MMAA: variants seen among roughly 807,000 people sequenced by gnomAD.
The protein encoded by MMAA is metabolism of cobalamin associated A.
In MMAA, 41 loss-of-function variants were observed where a neutral mutation model predicts 45.0. The observed-to-expected ratio is 0.91, with a 90% confidence interval of 0.71 to 1.18. The LOEUF (loss-of-function observed/expected upper bound fraction) is 1.18, where lower values mean the gene tolerates loss of function less well. Among genes scored for constraint, MMAA ranks in the 50% most tolerant of loss-of-function variants. The pLI is 0.00. For missense variants in MMAA, 460 were observed against 495.7 expected (o/e 0.93, Z 0.68); for synonymous variants, 154 against 178.2 (o/e 0.86, Z 1.08).
At chr4:145,625,071 G>A in intron 1 of MMAA, 1 of 926,954 alleles carries the variant, frequency 1.1e-6, no homozygotes, top group Non-Finnish European at 1.8e-6. Flanking sequence ...CCATTCTCGG[G>A]CTTCCCCAGC....
chr4:145,639,442 A>G lies in MMAA; in HGVS notation c.303A>G (p.Leu101=). The change falls in exon 2 of 7, where the codon TTA becomes TTG. Residue 101 remains leucine, a synonymous_variant. Transcript: ENST00000649156. ...TAATCCAAGGGCAAAGGGCCTGTTT[A>G]GCAGAGGCCATAACTCTTGTAGAAT... ...TGLIQGQRAC[L]AEAITLVEST... 6.2e-7 allele frequency: 1 copy of G among 1,614,248 alleles called. No homozygotes were observed. Among genetic ancestry groups the G allele is most frequent in the Non-Finnish European group, 8.5e-7 (1 of 1,180,046 alleles).
At chr4:145,632,711 G>GT in intron 1 of MMAA, among the ~76,000 whole-genome samples, 1 of 150,102 alleles carries the variant, frequency 6.7e-6, no homozygotes, top group East Asian at 1.9e-4. Flanking sequence ...TTTCTCTTTT[G>GT]TCTTCCCTCA....
In MMAA at chr4:145,655,560, A is replaced by G. The variant is rs1320599908; in HGVS notation, c.*126A>G. 1 of 973,750 alleles carries G rather than the reference A, an allele frequency of 1.0e-6. No homozygotes were observed. Among genetic ancestry groups the G allele is most frequent in the East Asian group, 2.7e-5 (1 of 37,430 alleles). 60.3% of individuals were successfully genotyped at this position (973,750 alleles called of 1,614,324 possible). A position where few individuals can be genotyped will look rare whatever the true frequency, so the allele number is the denominator to read the frequency against. On this transcript the variant is annotated 3_prime_UTR_variant, in exon 7 of 7. Coordinates refer to ENST00000649156, the MANE Select transcript of MMAA (RefSeq NM_172250.3). ...CTCTTGTCTTCTTTGTTTGTGACCCATGCTTGAAAACTTGAAGGAAGTTAG... is the reference window on the plus strand; with the variant it reads ...CTCTTGTCTTCTTTGTTTGTGACCCGTGCTTGAAAACTTGAAGGAAGTTAG...
chr4:145,645,273 C>T (rs1727895265), intron 3 of MMAA, among the ~76,000 whole-genome samples: 1 of 152,176 alleles, frequency 6.6e-6, no homozygotes. Context: ...GCATACATTG[C>T]AGAGCTGTTG....
At chr4:145,640,654 C>T (rs1385302787) in intron 2 of MMAA, among the ~76,000 whole-genome samples, 1 of 152,174 alleles carries the variant, frequency 6.6e-6, no homozygotes, top group Non-Finnish European at 1.5e-5. Context: ...CATGCCCAGC[C>T]TATCAAAATG....
intron 1 of MMAA, chr4:145,625,692 G>T: frequency 6.9e-7 from 1 of 1,450,524 alleles, no homozygotes; most frequent in Non-Finnish European, 9.7e-7. Flanking sequence ...GACTTGATTG[G>T]CTAGATCTTT....
Position 145,659,025 on chromosome 4 carries a change from G to T in MMAA, c.*3591G>T, listed in dbSNP as rs1354787604. 5.3e-5 allele frequency: 8 copies of T among 152,104 alleles called. No individual in the cohort carries two copies. Among genetic ancestry groups the T allele is most frequent in the Non-Finnish European group, 1.0e-4 (7 of 68,028 alleles). 9.4% of individuals were successfully genotyped at this position (152,104 alleles called of 1,614,324 possible). ...AGGTAGAGTGTCAGAGTGGTGGCTG[G>T]CACCAACGGTAGATGTTCTCAACAT... is the stretch of plus-strand genomic sequence containing the variant. On this transcript the variant is annotated 3_prime_UTR_variant, in exon 7 of 7. Coordinates refer to ENST00000649156, the MANE Select transcript of MMAA (RefSeq NM_172250.3).
chr4:145,653,864 A>G (rs1170611564), intron 5 of MMAA, 130 bp from the exon 6 acceptor site: 2 of 958,236 alleles, frequency 2.1e-6, no homozygotes, highest in African/African-American at 3.2e-5. Context: ...AGTAATGGTG[A>G]TTCTTGGCAT....
At position 145,655,679 on chromosome 4, in the gene MMAA, C is replaced by T; in HGVS notation, c.*245C>T. 1 of 377,424 alleles carries T rather than the reference C, an allele frequency of 2.6e-6. No homozygotes were observed. Among genetic ancestry groups the T allele is most frequent in the South Asian group, 4.6e-5 (1 of 21,940 alleles). 23.4% of individuals were successfully genotyped at this position (377,424 alleles called of 1,614,324 possible). A position where few individuals can be genotyped will look rare whatever the true frequency, so the allele number is the denominator to read the frequency against. On this transcript the variant is annotated 3_prime_UTR_variant, in exon 7 of 7. Transcript: ENST00000649156. ...CTCTTCTTATACCCTGGCATGGTGG[C>T]CTGTAGGGTAGTTTCTTCTTAATAG...
rs150239306 is a variant in MMAA, at chr4:145,657,515, A to G, written c.*2081A>G. On this transcript the variant is annotated 3_prime_UTR_variant, in exon 7 of 7. Transcript: ENST00000649156. Reference sequence around the variant, plus strand: ...ATCTCAGCTCTATCACTAACTAGCTATATGATATTTGGCAAGTTTTTTCTC... The same window carrying G: ...ATCTCAGCTCTATCACTAACTAGCTGTATGATATTTGGCAAGTTTTTTCTC... The G allele has an allele frequency of 6.6e-6, 1 of 152,290 alleles. No individual in the cohort carries two copies. Among genetic ancestry groups the G allele is most frequent in the African/African-American group, 2.4e-5 (1 of 41,570 alleles). The allele number at this position is 152,290 out of a possible 1,614,324, so 9.4% of individuals were successfully genotyped here.
At chr4:145,649,261 G>A (rs575358096) in intron 4 of MMAA, among the ~76,000 whole-genome samples, 1 of 152,292 alleles carries the variant, frequency 6.6e-6, no homozygotes, top group East Asian at 1.9e-4. Context: ...TCGTGCCATT[G>A]CACTCTAGCC....
intron 3 of MMAA, among the ~76,000 whole-genome samples, chr4:145,644,088 T>C (rs906338669): frequency 6.6e-6 from 1 of 152,198 alleles, no homozygotes; most frequent in Non-Finnish European, 1.5e-5. Flanking sequence ...TTTTGGTCTA[T>C]AGTCAATCTT....
chr4:145,643,899 T>C (rs758831588), intron 3 of MMAA, among the ~76,000 whole-genome samples: 1 of 152,162 alleles, frequency 6.6e-6, no homozygotes, highest in Non-Finnish European at 1.5e-5. Context: ...TACATAGCTA[T>C]GTGTTTCCTA....
intron 1 of MMAA, chr4:145,625,734 C>T (rs998540961): frequency 4.2e-5 from 61 of 1,445,218 alleles, no homozygotes; most frequent in Non-Finnish European, 5.7e-5. Flanking sequence ...ATGAATAAGA[C>T]AATTGAACTG....
At chr4:145,638,098 G>C (rs1727668426) in intron 1 of MMAA, among the ~76,000 whole-genome samples, 1 of 152,160 alleles carries the variant, frequency 6.6e-6, no homozygotes, top group African/African-American at 2.4e-5. Context: ...GGCCGGGCGT[G>C]GGGGCTCATG....
rs75401686 is a variant in MMAA at position 145,634,749 on chromosome 4, A to G, written c.-65-4326A>G. Among the ~76,000 whole-genome samples the G allele has an allele frequency of 1.4e-4, 21 of 151,844 alleles. No individual in the cohort carries two copies. The East Asian group carries it at 3.3e-3, about 24-fold the overall frequency. On this transcript the variant is annotated intron_variant, in intron 1 of 6. Transcript: ENST00000649156. ...TACCTTGGTATTGCTGCTGGGCCCA[A>G]GGGCTCTTCAGTCAGCAGGTGATGA... is the stretch of plus-strand genomic sequence containing the variant.
chr4:145,644,088 T>G (rs906338669), intron 3 of MMAA, among the ~76,000 whole-genome samples: 1 of 152,198 alleles, frequency 6.6e-6, no homozygotes, highest in Admixed American at 6.5e-5. Context: ...TTTTGGTCTA[T>G]AGTCAATCTT....
intron 5 of MMAA, among the ~76,000 whole-genome samples, chr4:145,651,471 G>T (rs1728086915): frequency 2.0e-5 from 3 of 152,184 alleles, no homozygotes; most frequent in Admixed American, 2.0e-4. Flanking sequence ...AAGTTCTGGG[G>T]AGAGTGGGAT....
intron 5 of MMAA, among the ~76,000 whole-genome samples, chr4:145,653,209 AT>A (rs1728144797): frequency 6.6e-6 from 1 of 152,168 alleles, no homozygotes; most frequent in Non-Finnish European, 1.5e-5. Flanking sequence ...TTCTGTTTCA[AT>A]TTTATAATTC....
Sources: allele counts gnomAD v4.1 joint callset (sites outside exome capture counted in the v4.1 genomes callset), GRCh38; gene constraint gnomAD v4.1.1; transcripts MANE v1.5; gene names NCBI Gene and HGNC (gene_info 2026-07-23, HGNC 2026-07-21).